SYN3: variants seen among roughly 807,000 people sequenced by gnomAD.
SYN3 encodes the protein synapsin III.
SYN3 carries 35 observed loss-of-function variants against 65.8 expected under a neutral mutation model. The observed-to-expected ratio is 0.53, with a 90% CI of 0.41 to 0.70. The LOEUF is 0.70. SYN3 is among the 30% of genes least tolerant of loss of function. The pLI is 0.00. For missense variants in SYN3, 680 were observed against 749.0 expected (o/e 0.91, Z 1.08); for synonymous variants, 270 against 292.9 (o/e 0.92, Z 0.80).
chr22:32,978,565 C>A (rs1050840701), intron 3 of SYN3, among the ~76,000 whole-genome samples: 10 of 152,146 alleles, frequency 6.6e-5, no homozygotes, highest in African/African-American at 2.4e-4. Flanking sequence ...GACATCCTAT[C>A]CATTCTTTGA....
chr22:32,576,794 A>G (rs889619340), intron 7 of SYN3, among the ~76,000 whole-genome samples: 4 of 149,342 alleles, frequency 2.7e-5, no homozygotes, highest in African/African-American at 9.8e-5. Flanking sequence ...ATGGGGCCCT[A>G]ATCCCCCGCT....
chr22:32,794,416 T>C (rs566986308), intron 6 of SYN3, among the ~76,000 whole-genome samples: 1 of 152,294 alleles, frequency 6.6e-6, no homozygotes. Flanking sequence ...TCCGTGAGAA[T>C]GATCAACTGA....
intron 6 of SYN3, among the ~76,000 whole-genome samples, chr22:32,730,506 G>C (rs1004922052): frequency 6.6e-6 from 1 of 152,222 alleles, no homozygotes; most frequent in African/African-American, 2.4e-5. Flanking sequence ...CTTGATGGGA[G>C]AGGATGAGTT....
chr22:32,546,452 C>T (rs912626984), intron 7 of SYN3, among the ~76,000 whole-genome samples: 6 of 152,164 alleles, frequency 3.9e-5, no homozygotes, highest in African/African-American at 1.4e-4. Context: ...AGGTGCTACG[C>T]TCTCTGAGGG....
intron 5 of SYN3, among the ~76,000 whole-genome samples, chr22:32,866,019 G>A (rs373614520): frequency 6.6e-6 from 1 of 152,200 alleles, no homozygotes; most frequent in Admixed American, 6.5e-5. Context: ...GATGATGAGA[G>A]ACGAGGTGGA....
At chr22:33,017,570 A>G (rs2053489781) in intron 1 of SYN3, among the ~76,000 whole-genome samples, 1 of 152,188 alleles carries the variant, frequency 6.6e-6, no homozygotes, top group African/African-American at 2.4e-5. Flanking sequence ...AGTTTCCAGT[A>G]AGAAGGTCTT....
intron 12 of SYN3, among the ~76,000 whole-genome samples, chr22:32,522,819 A>G (rs1242706902): frequency 6.6e-6 from 1 of 152,150 alleles, no homozygotes; most frequent in Non-Finnish European, 1.5e-5. Flanking sequence ...ACACTGAGGA[A>G]ACTGAGGCCC....
chr22:32,946,762 G>A (rs1209944171), intron 3 of SYN3, among the ~76,000 whole-genome samples: 1 of 152,086 alleles, frequency 6.6e-6, no homozygotes, highest in South Asian at 2.1e-4. Flanking sequence ...TTTAGTAAAT[G>A]AAGATGGCTG....
intron 4 of SYN3, among the ~76,000 whole-genome samples, chr22:32,906,832 T>A (rs1040209193): frequency 6.6e-6 from 1 of 152,218 alleles, no homozygotes; most frequent in Non-Finnish European, 1.5e-5. Context: ...ACAAAGGACA[T>A]GAACTCATCC....
At chr22:32,727,750 T>C (rs1040101832) in intron 6 of SYN3, among the ~76,000 whole-genome samples, 2 of 152,256 alleles carry the variant, frequency 1.3e-5, no homozygotes, top group African/African-American at 4.8e-5. Flanking sequence ...TTGAGCTTTT[T>C]TGTGTTTGTT....
chr22:32,698,089 T>G (rs535746512), intron 6 of SYN3, among the ~76,000 whole-genome samples: 1 of 152,336 alleles, frequency 6.6e-6, no homozygotes, highest in Non-Finnish European at 1.5e-5. Flanking sequence ...ACTTATTGTT[T>G]GTTGTATGTA....
At chr22:32,818,765 T>G (rs979035106) in intron 6 of SYN3, among the ~76,000 whole-genome samples, 1 of 152,142 alleles carries the variant, frequency 6.6e-6, no homozygotes, top group African/African-American at 2.4e-5. Context: ...ATAAAACTGC[T>G]TCCACCTGGA....
chr22:32,709,315 A>G (rs1601953820), intron 6 of SYN3, among the ~76,000 whole-genome samples: 2 of 152,342 alleles, frequency 1.3e-5, no homozygotes, highest in African/African-American at 4.8e-5. Context: ...ATAGGAACCA[A>G]TGGCTCAAAT....
intron 6 of SYN3, among the ~76,000 whole-genome samples, chr22:32,731,366 TA>T (rs2061268132): frequency 6.6e-6 from 1 of 152,106 alleles, no homozygotes; most frequent in Non-Finnish European, 1.5e-5. Context: ...CTAGAAAAAG[TA>T]ACTTTTTTTC....
chr22:32,779,815 T>C (rs888245173), intron 6 of SYN3, among the ~76,000 whole-genome samples: 6 of 152,264 alleles, frequency 3.9e-5, no homozygotes, highest in African/African-American at 1.4e-4. Flanking sequence ...CTCCACGCTT[T>C]AGTACCATCA....
At chr22:32,539,115 T>C (rs1392052413) in intron 8 of SYN3, among the ~76,000 whole-genome samples, 4 of 152,186 alleles carry the variant, frequency 2.6e-5, no homozygotes, top group Non-Finnish European at 5.9e-5. Flanking sequence ...GGAAGCTATG[T>C]CATTGAGATC....
intron 3 of SYN3, among the ~76,000 whole-genome samples, chr22:32,966,352 G>A (rs2146916305): frequency 6.6e-6 from 1 of 152,280 alleles, no homozygotes; most frequent in Non-Finnish European, 1.5e-5. Context: ...ATGGAGATGT[G>A]ACTCCAAGAT....
chr22:32,989,466 T>C (rs780005264), intron 2 of SYN3, among the ~76,000 whole-genome samples: 7 of 152,120 alleles, frequency 4.6e-5, no homozygotes, highest in Non-Finnish European at 8.8e-5. Flanking sequence ...TTGCTTGGTG[T>C]CGAGCATGAT....
chr22:32,617,827 C>G (rs2059541437), intron 6 of SYN3, among the ~76,000 whole-genome samples: 1 of 150,418 alleles, frequency 6.6e-6, no homozygotes, highest in Non-Finnish European at 1.5e-5. Context: ...GGGAGAGGAC[C>G]CTGCCCGAGG....
Sources: allele counts gnomAD v4.1 joint callset (sites outside exome capture counted in the v4.1 genomes callset), GRCh38; gene constraint gnomAD v4.1.1; transcripts MANE v1.5; gene names NCBI Gene and HGNC (gene_info 2026-07-23, HGNC 2026-07-21).